The following CYP2C18 variants were observed in gnomAD, a reference collection of about 807,000 sequenced individuals.
CYP2C18 encodes cytochrome P450 family 2 subfamily C member 18.
A neutral mutation model predicts 41.3 loss-of-function variants in CYP2C18; 38 were observed. That is an observed-to-expected ratio of 0.92 (90% CI 0.71 to 1.21). CYP2C18 has a LOEUF of 1.21. Ranked by LOEUF, CYP2C18 falls within the 50% of genes most tolerant of loss-of-function variation. CYP2C18 has a pLI of 0.00. For missense variants in CYP2C18, 635 were observed against 591.4 expected, an observed-to-expected ratio of 1.07 and a Z score of -0.77; for synonymous variants, 236 against 210.0, an observed-to-expected ratio of 1.12 and a Z score of -1.07.
In CYP2C18 at chr10:94,735,449, G is replaced by A; in HGVS notation, c.*5G>A. ...CTCTGCTTCATTCCTGTCTGAAGAA[G>A]GGCAGATAGTTTGGCTGCTCCTGTG... On this transcript the variant is annotated 3_prime_UTR_variant, in exon 9 of 9. Transcript: ENST00000285979. 1 of 1,613,104 alleles carries A rather than the reference G, an allele frequency of 6.2e-7. No homozygotes were observed. Among genetic ancestry groups the A allele is most frequent in the Non-Finnish European group, 8.5e-7 (1 of 1,179,292 alleles).
intron 4 of CYP2C18, among the ~76,000 whole-genome samples, chr10:94,699,058 G>A (rs1399726151): frequency 1.3e-5 from 2 of 152,110 alleles, no homozygotes; most frequent in African/African-American, 2.4e-5. Context: ...GTACAAGGAG[G>A]AGCTGGTACC....
intron 7 of CYP2C18, among the ~76,000 whole-genome samples, chr10:94,725,704 A>G (rs1463917199): frequency 6.6e-6 from 1 of 152,134 alleles, no homozygotes; most frequent in Non-Finnish European, 1.5e-5. Context: ...GAGTCTCTGC[A>G]TCAATCGATA....
rs553721215 is a variant in CYP2C18 at position 94,717,143 on chromosome 10, A to G, written c.820-3253A>G. On this transcript the variant is annotated intron_variant, in intron 5 of 8. Transcript: ENST00000285979. The stretch of plus-strand genomic sequence containing the variant: ...GTCTTGACTCTTTATCCAGTTTGCT[A>G]GTCTGTGTCTTTTAATCAGTGCATT... 7.9e-5 allele frequency among the ~76,000 whole-genome samples: 12 copies of G among 152,216 alleles called. No homozygotes were observed. In the East Asian group the frequency reaches 2.3e-3, roughly 29 times the overall value.
chr10:94,695,647 G>A (rs1232192266), intron 4 of CYP2C18, among the ~76,000 whole-genome samples: 1 of 152,050 alleles, frequency 6.6e-6, no homozygotes. Flanking sequence ...AGGACAGTGG[G>A]TGCAGCACAA....
At chr10:94,684,265 AC>A (rs1197870117) in intron 1 of CYP2C18, among the ~76,000 whole-genome samples, 1 of 152,054 alleles carries the variant, frequency 6.6e-6, no homozygotes. Flanking sequence ...AATTATAGTC[AC>A]CTTGCTGTCC....
chr10:94,696,129 G>C (rs1414036068), intron 4 of CYP2C18, among the ~76,000 whole-genome samples: 1 of 152,142 alleles, frequency 6.6e-6, no homozygotes, highest in East Asian at 1.9e-4. Context: ...GCTTTGAAGA[G>C]AGTAGTGGTT....
At chr10:94,693,385 T>C (rs185284164) in intron 3 of CYP2C18, among the ~76,000 whole-genome samples, 1 of 152,164 alleles carries the variant, frequency 6.6e-6, no homozygotes, top group South Asian at 2.1e-4. Flanking sequence ...CCTTCTGCCG[T>C]GATTGCATCA....
chr10:94,697,644 T>C (rs1251539053), intron 4 of CYP2C18, among the ~76,000 whole-genome samples: 1 of 152,182 alleles, frequency 6.6e-6, no homozygotes, highest in Non-Finnish European at 1.5e-5. Context: ...TAACCTTAAA[T>C]GTAAATGGGT....
At chr10:94,697,452 G>A (rs749997524) in intron 4 of CYP2C18, among the ~76,000 whole-genome samples, 7 of 152,128 alleles carry the variant, frequency 4.6e-5, no homozygotes, top group Non-Finnish European at 1.0e-4. Flanking sequence ...TCACCACCAC[G>A]CCTGCCCTAC....
At chr10:94,721,547 T>C (rs1345280379) in intron 6 of CYP2C18, among the ~76,000 whole-genome samples, 1 of 151,896 alleles carries the variant, frequency 6.6e-6, no homozygotes, top group African/African-American at 2.4e-5. Context: ...GCTTTCAGTG[T>C]ACCCTTCACC....
chr10:94,733,735 A>C (rs1321353401), intron 8 of CYP2C18: 3 of 295,682 alleles, frequency 1.0e-5, no homozygotes, highest in African/African-American at 6.9e-5. Context: ...TAATGGGTGA[A>C]ACTTATTTAG....
rs1295414227 is a variant in CYP2C18 at position 94,724,471 on chromosome 10, C to T, written c.1087C>T (p.Pro363Ser). The T allele has an allele frequency of 6.2e-7, 1 of 1,613,584 alleles. No homozygotes were observed. The highest frequency in any genetic ancestry group is 1.3e-5 in the African/African-American group (1 of 74,964). ...GATCCAGAGATACATTGACCTCCTC[C>T]CCACCAACCTGCCCCATGCAGTGAC... The part of the protein sequence containing the change: ...HEIQRYIDLL[P>S]TNLPHAVTCD... Residue 363 changes from proline to serine, a missense_variant, in exon 7 of 9, where the codon CCC becomes TCC. Pro to Ser is a moderately conservative substitution (Grantham distance 74). Transcript: ENST00000285979.
At chr10:94,726,564 T>G (rs970030911) in intron 7 of CYP2C18, among the ~76,000 whole-genome samples, 10 of 152,066 alleles carry the variant, frequency 6.6e-5, no homozygotes, top group Non-Finnish European at 1.2e-4. Flanking sequence ...TGTATATGTG[T>G]CATATTTTCT....
At chr10:94,711,834 T>C (rs1368665592) in intron 5 of CYP2C18, among the ~76,000 whole-genome samples, 2 of 151,890 alleles carry the variant, frequency 1.3e-5, no homozygotes, top group African/African-American at 4.8e-5. Context: ...CTTTTTTTTT[T>C]CTGAATTTTA....
intron 3 of CYP2C18, among the ~76,000 whole-genome samples, chr10:94,691,566 A>C (rs1846999797): frequency 6.6e-6 from 1 of 152,236 alleles, no homozygotes; most frequent in Non-Finnish European, 1.5e-5. Context: ...CATGGGTAGG[A>C]AGAATGAATA....
chr10:94,704,020 A>T (rs931461224), intron 4 of CYP2C18, among the ~76,000 whole-genome samples: 16 of 152,124 alleles, frequency 1.1e-4, no homozygotes, highest in African/African-American at 3.9e-4. Context: ...GGGTGAGCCA[A>T]TTCCCTACCC....
chr10:94,691,925 A>G (rs1396050927), intron 3 of CYP2C18, among the ~76,000 whole-genome samples: 1 of 152,238 alleles, frequency 6.6e-6, no homozygotes, highest in African/African-American at 2.4e-5. Context: ...CAATGGGGAA[A>G]GGATTCCCTA....
chr10:94,688,375 T>C, intron 3 of CYP2C18, 101 bp downstream of exon 3: 2 of 1,339,536 alleles, frequency 1.5e-6, no homozygotes, highest in Non-Finnish European at 2.0e-6. Flanking sequence ...GGGGTACATG[T>C]AATATTTTGT....
intron 6 of CYP2C18, among the ~76,000 whole-genome samples, chr10:94,724,123 G>A (rs1253204156): frequency 1.3e-5 from 2 of 151,362 alleles, no homozygotes; most frequent in African/African-American, 4.9e-5. Context: ...TATCTTGTAT[G>A]CTAATATGTA....
Sources: gnomAD v4.1 joint callset for allele counts (sites outside exome capture counted in the v4.1 genomes callset) on GRCh38, gnomAD v4.1.1 for gene constraint, MANE v1.5 for transcripts, NCBI Gene and HGNC (gene_info 2026-07-23, HGNC 2026-07-21) for gene names.